The following PPARGC1A variants were observed in gnomAD, a reference collection of about 807,000 sequenced individuals.
PPARGC1A encodes the protein PPARG coactivator 1 alpha.
A neutral mutation model predicts 88.7 loss-of-function variants in PPARGC1A; 25 were observed. The observed-to-expected ratio is 0.28, with a 90% CI of 0.21 to 0.39. PPARGC1A has a LOEUF of 0.39. Among genes scored for constraint, PPARGC1A ranks in the 10% least tolerant of loss-of-function variants. The probability of loss-of-function intolerance (pLI) is 1.00; values close to 1 mark genes in which losing one functional copy is unlikely to be tolerated. For synonymous variants in PPARGC1A, 363 were observed against 355.6 expected (o/e 1.02, Z -0.24); for missense variants, 880 against 968.7 (o/e 0.91, Z 1.22).
At chr4:23,901,896 T>A (rs893268361), upstream of PPARGC1A, among the ~76,000 whole-genome samples, 2 of 152,172 alleles carry the variant, frequency 1.3e-5, no homozygotes, top group Non-Finnish European at 2.9e-5. Context: ...TTTTTTTCTT[T>A]AAAGCAATTT....
At chr4:23,883,684 G>T (rs1481016710) in intron 2 of PPARGC1A, 1 of 152,060 alleles carries the variant, frequency 6.6e-6, no homozygotes, top group Non-Finnish European at 1.5e-5. Context: ...CAAAATGTTG[G>T]CCATTATTGT....
the PPARGC1A span, among the ~76,000 whole-genome samples, chr4:24,416,893 T>C: frequency 6.6e-6 from 1 of 152,080 alleles, no homozygotes; most frequent in Non-Finnish European, 1.5e-5. Context: ...TAGCCAGGCA[T>C]GGTGGCGTCT....
At chr4:23,925,457 G>A in the PPARGC1A span, among the ~76,000 whole-genome samples, 1 of 152,194 alleles carries the variant, frequency 6.6e-6, no homozygotes, top group Non-Finnish European at 1.5e-5. Context: ...GCCTCTTAAA[G>A]GAGCCATCAA....
the PPARGC1A span, among the ~76,000 whole-genome samples, chr4:24,215,287 A>G: frequency 6.6e-6 from 1 of 152,222 alleles, no homozygotes; most frequent in African/African-American, 2.4e-5. Context: ...GCACACACAG[A>G]GAGAATGGGA....
chr4:23,884,969 C>T, intron 1 of PPARGC1A, 38 bp from the exon 2 acceptor site: 2 of 1,485,832 alleles, frequency 1.3e-6, no homozygotes, highest in Non-Finnish European at 9.0e-7. Context: ...AAAAAGCTTC[C>T]ATTAACCACA....
At chr4:24,109,584 G>C in the PPARGC1A span, among the ~76,000 whole-genome samples, 419 of 152,144 alleles carry the variant, frequency 2.8e-3, 5 homozygotes, top group East Asian at 0.052. Flanking sequence ...CCAACTTACG[G>C]CATCTGAAAT....
chr4:24,293,147 T>C, the PPARGC1A span, among the ~76,000 whole-genome samples: 3 of 688 alleles, frequency 4.4e-3, no homozygotes, highest in Non-Finnish European at 9.7e-3. Flanking sequence ...TCACCCCCAC[T>C]CCTGCCTGCA....
the PPARGC1A span, among the ~76,000 whole-genome samples, chr4:24,388,858 T>C: frequency 1.3e-5 from 2 of 152,114 alleles, no homozygotes; most frequent in South Asian, 2.1e-4. Context: ...TTAGGAGAAA[T>C]ACCTAATGTA....
the PPARGC1A span, among the ~76,000 whole-genome samples, chr4:24,083,287 C>T: frequency 6.6e-6 from 1 of 152,242 alleles, no homozygotes; most frequent in South Asian, 2.1e-4. Flanking sequence ...TAGCTTTTTA[C>T]AGTAGACATA....
At chr4:24,321,545 A>T in the PPARGC1A span, among the ~76,000 whole-genome samples, 1 of 152,228 alleles carries the variant, frequency 6.6e-6, no homozygotes. Flanking sequence ...TATTTGTCTG[A>T]CTTTAATTTC....
chr4:23,895,143 C>A (rs1577685433), intron 1 of PPARGC1A, among the ~76,000 whole-genome samples: 3 of 103,754 alleles, frequency 2.9e-5, no homozygotes, highest in Non-Finnish European at 5.7e-5. Context: ...AATTAAGGTA[C>A]ACAAATTGTT....
At chr4:23,959,643 C>T in the PPARGC1A span, among the ~76,000 whole-genome samples, 1 of 152,008 alleles carries the variant, frequency 6.6e-6, no homozygotes, top group South Asian at 2.1e-4. Flanking sequence ...TCTTGCTGCC[C>T]TTCTAAACCC....
At chr4:24,377,491 T>C in the PPARGC1A span, among the ~76,000 whole-genome samples, 149,488 of 152,222 alleles carry the variant, frequency 0.98, 73,445 homozygotes, top group East Asian at 1. Context: ...CCAACTACGG[T>C]GTGTCAGTTA....
chr4:24,435,109 G>A, the PPARGC1A span, among the ~76,000 whole-genome samples: 3 of 152,020 alleles, frequency 2.0e-5, no homozygotes, highest in South Asian at 2.1e-4. Flanking sequence ...CTTTCTTCAC[G>A]CTGTTGGGCT....
chr4:24,135,480 T>C, the PPARGC1A span, among the ~76,000 whole-genome samples: 68 of 152,086 alleles, frequency 4.5e-4, no homozygotes, highest in African/African-American at 1.6e-3. Context: ...CTGTGACAAC[T>C]CTTTGGCATT....
chr4:24,449,885 C>G, the PPARGC1A span, among the ~76,000 whole-genome samples: 2 of 152,116 alleles, frequency 1.3e-5, no homozygotes, highest in Non-Finnish European at 2.9e-5. Context: ...GTTTTACCTT[C>G]TAATTTTCTT....
chr4:24,162,103 G>A, the PPARGC1A span, among the ~76,000 whole-genome samples: 164 of 152,116 alleles, frequency 1.1e-3, no homozygotes, highest in Non-Finnish European at 2.2e-3. Flanking sequence ...TCTAAGTGAA[G>A]TAACTCAGGA....
chr4:24,357,289 T>A, the PPARGC1A span, among the ~76,000 whole-genome samples: 1 of 152,178 alleles, frequency 6.6e-6, no homozygotes, highest in African/African-American at 2.4e-5. Flanking sequence ...TCACACACAG[T>A]ACTTGTCCAA....
At chr4:24,233,339 A>G in the PPARGC1A span, among the ~76,000 whole-genome samples, 1 of 152,178 alleles carries the variant, frequency 6.6e-6, no homozygotes, top group South Asian at 2.1e-4. Context: ...ACATTGTACT[A>G]AAGAGTTCTC....
Sources: allele counts gnomAD v4.1 joint callset (sites outside exome capture counted in the v4.1 genomes callset), GRCh38; gene constraint gnomAD v4.1.1; transcripts MANE v1.5; gene names NCBI Gene and HGNC (gene_info 2026-07-23, HGNC 2026-07-21).